Variants in CDYL2 observed in about 807,000 individuals in gnomAD.
CDYL2 encodes chromodomain Y-like protein 2.
Under a neutral mutation model 49.4 loss-of-function variants are expected in CDYL2, and 23 were observed. That is an observed-to-expected ratio of 0.47 (90% CI 0.34 to 0.66). The LOEUF is 0.66. CDYL2 is among the 30% of genes least tolerant of loss of function. The pLI is 0.01. For missense variants in CDYL2, 678 were observed against 656.4 expected (o/e 1.03, Z -0.36); for synonymous variants, 360 against 268.8 (o/e 1.34, Z -3.32).
intron 2 of CDYL2, among the ~76,000 whole-genome samples, chr16:80,676,963 A>ATTTTTT (rs35188796): frequency 5.7e-4 from 34 of 60,070 alleles, no homozygotes; most frequent in African/African-American, 1.3e-3. Context: ...AATTCAATGT[A>ATTTTTT]TTTTTTTTTT....
chr16:80,699,923 A>G (rs1016710069), intron 1 of CDYL2, among the ~76,000 whole-genome samples: 2 of 150,112 alleles, frequency 1.3e-5, no homozygotes, highest in Admixed American at 1.3e-4. Context: ...GCCGGAGTGC[A>G]GTGGCGCGAT....
chr16:80,634,626 G>A (rs755723628), intron 2 of CDYL2, among the ~76,000 whole-genome samples: 1 of 151,954 alleles, frequency 6.6e-6, no homozygotes, highest in Non-Finnish European at 1.5e-5. Flanking sequence ...ATGTACCCTA[G>A]AACTTAAAGT....
intron 4 of CDYL2, among the ~76,000 whole-genome samples, chr16:80,615,644 G>T (rs994859776): frequency 6.6e-6 from 1 of 152,088 alleles, no homozygotes; most frequent in African/African-American, 2.4e-5. Context: ...CAGCCCTTGT[G>T]ACTTTCCAGA....
At chr16:80,647,942 T>C (rs956843873) in intron 2 of CDYL2, among the ~76,000 whole-genome samples, 4 of 152,004 alleles carry the variant, frequency 2.6e-5, no homozygotes, top group East Asian at 1.9e-4. Context: ...AAGATGGAAA[T>C]TGAAAAAATT....
chr16:80,804,393 AGCGGCGGCG>A lies in CDYL2; in HGVS notation c.-229_-221del, dbSNP rs528498874. 3.3e-3 allele frequency: 586 copies of A among 178,682 alleles called. 2 individuals are homozygous for A. Among genetic ancestry groups the A allele is most frequent in the African/African-American group, 0.014 (560 of 40,696 alleles). 11.1% of individuals were successfully genotyped at this position (178,682 alleles called of 1,614,324 possible). Reference sequence around the variant, plus strand: ...CGGCGGGGCTGGCGTAACCGGCAGCAGCGGCGGCGGCGGCGGCGGCGGCACGAGCGCGGG... The same window carrying A: ...CGGCGGGGCTGGCGTAACCGGCAGCAGCGGCGGCGGCGGCACGAGCGCGGG... On this transcript the variant is annotated 5_prime_UTR_variant, in exon 1 of 7. Coordinates refer to ENST00000570137, the MANE Select transcript of CDYL2 (RefSeq NM_152342.4).
chr16:80,706,541 A>G (rs887743094), intron 1 of CDYL2, among the ~76,000 whole-genome samples: 3 of 152,212 alleles, frequency 2.0e-5, no homozygotes, highest in Non-Finnish European at 4.4e-5. Flanking sequence ...TTTGGAAGGA[A>G]TTCATGACTG....
intron 1 of CDYL2, among the ~76,000 whole-genome samples, chr16:80,788,532 A>G (rs1907507626): frequency 6.6e-6 from 1 of 152,194 alleles, no homozygotes; most frequent in African/African-American, 2.4e-5. Flanking sequence ...ATTGACCTAT[A>G]CCTGGGATTC....
chr16:80,680,294 G>A (rs887859437), intron 2 of CDYL2, among the ~76,000 whole-genome samples: 1 of 152,186 alleles, frequency 6.6e-6, no homozygotes, highest in African/African-American at 2.4e-5. Flanking sequence ...CAGTCATCAA[G>A]ATGCAAGGAA....
chr16:80,670,886 C>G (rs143667626), intron 2 of CDYL2: 1 of 455,812 alleles, frequency 2.2e-6, no homozygotes, highest in Non-Finnish European at 4.4e-6. Context: ...AGGTTGCGCA[C>G]GAGGAAGATA....
chr16:80,599,270 T>C lies in CDYL2; in HGVS notation c.*5118A>G, dbSNP rs898491698. On this transcript the variant is annotated 3_prime_UTR_variant, in exon 7 of 7. Coordinates refer to ENST00000570137, the MANE Select transcript of CDYL2 (RefSeq NM_152342.4). ...ATCTTAATGGCTGATAAGTTGACTTTATAAATACATACCAGAGATGAACCA... is the reference window on the plus strand; with the variant it reads ...ATCTTAATGGCTGATAAGTTGACTTCATAAATACATACCAGAGATGAACCA... 6 of 152,242 alleles carry C rather than the reference T, an allele frequency of 3.9e-5. No homozygotes were observed. The highest frequency in any genetic ancestry group is 3.9e-4 in the Admixed American group (6 of 15,288). The allele number at this position is 152,242 out of a possible 1,614,324, so 9.4% of individuals were successfully genotyped here.
At position 80,655,213 on chromosome 16, in the gene CDYL2, G is replaced by A. The variant is rs75268873; in HGVS notation, c.617-21977C>T. Among the ~76,000 whole-genome samples the A allele has an allele frequency of 2.2e-4, 34 of 152,308 alleles. 1 individual carries two copies. The East Asian group carries it at 6.4e-3, about 29-fold the overall frequency. On this transcript the variant is annotated intron_variant, in intron 2 of 6. Coordinates refer to ENST00000570137, the MANE Select transcript of CDYL2 (RefSeq NM_152342.4). ...CTAGTTAGTCCATTTTACAGATAAG[G>A]AAAAGTGAGTACCTTGCTGGAAGTC...
intron 1 of CDYL2, among the ~76,000 whole-genome samples, chr16:80,709,965 T>C (rs532628043): frequency 2.6e-4 from 40 of 152,016 alleles, no homozygotes; most frequent in Non-Finnish European, 4.9e-4. Context: ...TTTCACTCTT[T>C]CGCCCAGCCT....
intron 1 of CDYL2, among the ~76,000 whole-genome samples, chr16:80,723,059 G>A (rs552214602): frequency 3.3e-5 from 5 of 152,342 alleles, no homozygotes; most frequent in Admixed American, 2.6e-4. Flanking sequence ...GCCACACTCG[G>A]CAGGGCGCTT....
intron 1 of CDYL2, among the ~76,000 whole-genome samples, chr16:80,748,554 T>G (rs1241330932): frequency 7.4e-6 from 1 of 135,464 alleles, no homozygotes; most frequent in Middle Eastern, 4.3e-3. Flanking sequence ...AGGTGGGTGA[T>G]GTAGAGCTAT....
At chr16:80,704,383 G>T (rs187713718) in intron 1 of CDYL2, among the ~76,000 whole-genome samples, 213 of 152,370 alleles carry the variant, frequency 1.4e-3, no homozygotes, top group Admixed American at 3.9e-3. Flanking sequence ...CTTATCAAGT[G>T]CTCATCACAT....
intron 1 of CDYL2, among the ~76,000 whole-genome samples, chr16:80,685,924 C>A (rs143172067): frequency 5.0e-4 from 76 of 152,304 alleles, no homozygotes; most frequent in African/African-American, 1.7e-3. Context: ...CCAGCTCTCC[C>A]CACACAGCTC....
chr16:80,629,091 A>C (rs1907434916), intron 3 of CDYL2, among the ~76,000 whole-genome samples: 1 of 152,170 alleles, frequency 6.6e-6, no homozygotes, highest in Admixed American at 6.5e-5. Context: ...CTGCACGATG[A>C]GGCGGGACTG....
chr16:80,619,927 T>C (rs920568572), intron 4 of CDYL2, among the ~76,000 whole-genome samples: 4 of 152,132 alleles, frequency 2.6e-5, no homozygotes, highest in Non-Finnish European at 4.4e-5. Flanking sequence ...CACAGAACCA[T>C]AGAGACTGGA....
intron 1 of CDYL2, among the ~76,000 whole-genome samples, 194 bp downstream of exon 1, chr16:80,803,956 A>AGGCGGCGGGCGGCG (rs890282133): frequency 2.2e-5 from 3 of 137,316 alleles, no homozygotes; most frequent in Admixed American, 7.1e-5. Flanking sequence ...GCGCCGCGGG[A>AGGCGGCGGGCGGCG]GGCGGCGGGC....
Sources: allele counts gnomAD v4.1 joint callset (sites outside exome capture counted in the v4.1 genomes callset), GRCh38; gene constraint gnomAD v4.1.1; transcripts MANE v1.5; gene names NCBI Gene and HGNC (gene_info 2026-07-23, HGNC 2026-07-21).